Variants in VWA3B observed in about 807,000 individuals in gnomAD.
VWA3B encodes von Willebrand factor A domain containing 3B.
VWA3B carries 138 observed loss-of-function variants against 158.3 expected under a neutral mutation model. The observed-to-expected ratio is 0.87, with a 90% CI of 0.76 to 1.00. The LOEUF is 1.00. Among genes scored for constraint, VWA3B ranks in the 50% least tolerant of loss-of-function variants. The pLI, the probability that VWA3B is intolerant of heterozygous loss-of-function variation, is 0.00. For synonymous variants in VWA3B, 596 were observed against 587.3 expected, an observed-to-expected ratio of 1.01 and a Z score of -0.21; for missense variants, 1,555 against 1,565.1, an observed-to-expected ratio of 0.99 and a Z score of 0.11.
intron 19 of VWA3B, 72 bp from the exon 20 acceptor site, chr2:98,250,246 G>A (rs1392132377): frequency 4.8e-6 from 5 of 1,044,128 alleles, no homozygotes; most frequent in African/African-American, 1.6e-5. Flanking sequence ...ATACAACTAT[G>A]TAGATGTATT....
intron 13 of VWA3B, among the ~76,000 whole-genome samples, chr2:98,217,472 C>T (rs1162882993): frequency 1.3e-5 from 2 of 152,196 alleles, no homozygotes; most frequent in Admixed American, 6.5e-5. Flanking sequence ...CTGTGGGAAG[C>T]GGTTGACCAT....
At position 98,093,182 on chromosome 2, in the gene VWA3B, G is replaced by A. The variant is rs1215808744; in HGVS notation, c.90G>A (p.Glu30=). ...GWINTKTDLA[E]QSLISSEKWL... is the part of the protein sequence containing the mutation. The stretch of plus-strand genomic sequence containing the variant: ...TTAACACCAAAACAGACTTGGCTGA[G>A]CAGAGTCTCATTTCATCTGAGAAAT... The change falls in exon 2 of 28, where the codon GAG becomes GAA. Residue 30 remains glutamate (E), a synonymous_variant. Coordinates refer to ENST00000477737, the MANE Select transcript of VWA3B (RefSeq NM_144992.5). 2 of 1,614,178 alleles carry A rather than the reference G, an allele frequency of 1.2e-6. No homozygotes were observed. Among genetic ancestry groups the A allele is most frequent in the Non-Finnish European group, 1.7e-6 (2 of 1,180,026 alleles).
At chr2:98,328,739 T>C in the VWA3B span, among the ~76,000 whole-genome samples, 2 of 152,190 alleles carry the variant, frequency 1.3e-5, no homozygotes, top group Admixed American at 1.3e-4. Flanking sequence ...AAGATCAACA[T>C]TATTAAGATG....
intron 22 of VWA3B, among the ~76,000 whole-genome samples, chr2:98,283,446 A>G (rs1688994836): frequency 6.6e-6 from 1 of 152,242 alleles, no homozygotes. Context: ...TTTATGGAAA[A>G]GTGAGGTTTT....
At chr2:98,208,756 C>G (rs1434316214) in intron 12 of VWA3B, among the ~76,000 whole-genome samples, 8 of 152,148 alleles carry the variant, frequency 5.3e-5, no homozygotes, top group African/African-American at 1.9e-4. Flanking sequence ...TAAACTTTTG[C>G]TTCAATCATA....
At chr2:98,228,180 T>A in intron 14 of VWA3B, 22 bp from the exon 15 acceptor site, 1 of 1,604,252 alleles carries the variant, frequency 6.2e-7, no homozygotes, top group Non-Finnish European at 8.5e-7. Context: ...TCTTATAGCA[T>A]ATTCACTTCT....
intron 21 of VWA3B, among the ~76,000 whole-genome samples, chr2:98,265,075 G>A (rs2105861134): frequency 6.6e-6 from 1 of 150,788 alleles, no homozygotes; most frequent in South Asian, 2.1e-4. Context: ...TAAGTTTTAG[G>A]GTACACGTGC....
intron 22 of VWA3B, among the ~76,000 whole-genome samples, chr2:98,271,621 A>G (rs981428328): frequency 2.6e-5 from 4 of 152,178 alleles, no homozygotes; most frequent in African/African-American, 9.7e-5. Context: ...GTGTGAGTAT[A>G]CCCTGGTTTA....
intron 20 of VWA3B, among the ~76,000 whole-genome samples, chr2:98,250,693 A>G (rs1686745083): frequency 6.6e-6 from 1 of 152,104 alleles, no homozygotes; most frequent in Admixed American, 6.5e-5. Context: ...TAATTTAAAG[A>G]ATAATATCAC....
In VWA3B at chr2:98,217,983, T is replaced by C. The variant is rs774160849; in HGVS notation, c.1974T>C (p.Phe658=). The C allele has an allele frequency of 1.2e-6, 2 of 1,613,092 alleles. No individual in the cohort carries two copies. Among genetic ancestry groups the C allele is most frequent in the East Asian group, 4.5e-5 (2 of 44,800 alleles). Residue 658 remains phenylalanine (F), a synonymous_variant, in exon 14 of 28, where the codon TTT becomes TTC. Transcript: ENST00000477737. The part of the protein sequence containing the change: ...VAALTGGEFH[F]YNFGCKDPTP... The stretch of plus-strand genomic sequence containing the variant: ...CTTTGACTGGAGGAGAGTTCCATTT[T>C]TATAATTTTGGTTGCAAGGATCCCA...
intron 2 of VWA3B, among the ~76,000 whole-genome samples, chr2:98,102,181 G>T (rs1413392723): frequency 1.3e-5 from 2 of 152,148 alleles, no homozygotes; most frequent in African/African-American, 4.8e-5. Flanking sequence ...AGAGAGCACG[G>T]GGTTGGGGGT....
rs912633854 is a variant in VWA3B at position 98,274,590 on chromosome 2, G to A, written c.3045+3707G>A. Among the ~76,000 whole-genome samples the A allele has an allele frequency of 9.2e-5, 14 of 152,202 alleles. 1 individual carries two copies. Among genetic ancestry groups the A allele is most frequent in the African/African-American group, 2.4e-4 (10 of 41,456 alleles). ...CGCGGAGTGTTCCCTGGGGAACGTG[G>A]CAGGAGAGACGTTGGGCATGGGAGG... On this transcript the variant is annotated intron_variant, in intron 22 of 27. Coordinates refer to ENST00000477737, the MANE Select transcript of VWA3B (RefSeq NM_144992.5).
intron 7 of VWA3B, among the ~76,000 whole-genome samples, chr2:98,148,200 T>C (rs886211273): frequency 1.3e-5 from 2 of 152,174 alleles, no homozygotes; most frequent in Non-Finnish European, 2.9e-5. Context: ...TGAATTGCTT[T>C]CCAAAAAATA....
chr2:98,237,507 A>C (rs565123227), intron 19 of VWA3B, among the ~76,000 whole-genome samples: 1 of 152,350 alleles, frequency 6.6e-6, no homozygotes, highest in South Asian at 2.1e-4. Context: ...CGAGAGGAGA[A>C]AAACAGCTTC....
chr2:98,090,365 A>G (rs1260984818), intron 1 of VWA3B, among the ~76,000 whole-genome samples: 2 of 152,220 alleles, frequency 1.3e-5, no homozygotes, highest in African/African-American at 4.8e-5. Flanking sequence ...ACAAAATACA[A>G]TGACTAAAGA....
At chr2:98,108,994 C>CTTTT (rs56760057) in intron 2 of VWA3B, among the ~76,000 whole-genome samples, 2 of 132,600 alleles carry the variant, frequency 1.5e-5, no homozygotes, top group Non-Finnish European at 3.2e-5. Context: ...CTTTTCTTTT[C>CTTTT]TTTTTTTTTT....
intron 22 of VWA3B, among the ~76,000 whole-genome samples, chr2:98,276,768 ATG>A (rs1015906927): frequency 5.3e-5 from 8 of 151,988 alleles, no homozygotes; most frequent in African/African-American, 1.9e-4. Context: ...TGGGCTGCCC[ATG>A]TGTGTCCAGA....
At chr2:98,289,780 G>T (rs538156269) in intron 22 of VWA3B, among the ~76,000 whole-genome samples, 1 of 152,296 alleles carries the variant, frequency 6.6e-6, no homozygotes, top group South Asian at 2.1e-4. Context: ...TGCTGGTGTA[G>T]TCTTTGCTCT....
chr2:98,311,794 A>G lies in VWA3B; in HGVS notation c.3522-25A>G, dbSNP rs761240078. 5.8e-6 allele frequency: 9 copies of G among 1,558,190 alleles called. No homozygotes were observed. In the South Asian group the frequency reaches 8.6e-5, roughly 15 times the overall value. On this transcript the variant is annotated intron_variant, in intron 26 of 27. Coordinates refer to ENST00000477737, the MANE Select transcript of VWA3B (RefSeq NM_144992.5). ...GACCCCGCAGCCATCAAGGCAGGGT[A>G]ACCCTGATCTCTCTCTGTCTCTAGA...
Sources: gnomAD v4.1 joint callset for allele counts (sites outside exome capture counted in the v4.1 genomes callset) on GRCh38, gnomAD v4.1.1 for gene constraint, MANE v1.5 for transcripts, NCBI Gene and HGNC (gene_info 2026-07-23, HGNC 2026-07-21) for gene names.